The following TLE1 variants were observed in gnomAD, a reference collection of about 807,000 sequenced individuals.
TLE1 encodes transducin-like enhancer protein 1.
Under a neutral mutation model 89.8 loss-of-function variants are expected in TLE1, and 21 were observed. The ratio of observed to expected loss-of-function variants is 0.23; its 90% CI spans 0.17 to 0.34. The LOEUF (loss-of-function observed/expected upper bound fraction) is 0.34. Ranked by LOEUF, TLE1 falls within the 10% of genes least tolerant of loss-of-function variation. The pLI is 1.00. For synonymous variants in TLE1, 447 were observed against 407.6 expected (o/e 1.10, Z -1.16); for missense variants, 795 against 1,031.2 (o/e 0.77, Z 3.14).
Position 81,610,294 on chromosome 9 carries a change from C to T in TLE1, c.1257G>A (p.Val419=), listed in dbSNP as rs1297615896. The T allele has an allele frequency of 1.2e-6, 2 of 1,613,596 alleles. No individual in the cohort carries two copies. Among genetic ancestry groups the T allele is most frequent in the Non-Finnish European group, 8.5e-7 (1 of 1,179,818 alleles). Reference sequence around the variant, plus strand: ...TCATGTGAGGGGGAGGATCAAACCCCACCTGGAAACAAAAATAAGGCATTG... The same window carrying T: ...TCATGTGAGGGGGAGGATCAAACCCTACCTGGAAACAAAAATAAGGCATTG... ...AVVAYGRSPM[V]GFDPPPHMRV... is the part of the protein sequence containing the mutation. The change falls in exon 14 of 20, where the codon GTG becomes GTA. Residue 419 remains valine, a splice_region_variant and synonymous_variant. Transcript: ENST00000376499.
At chr9:81,620,900 T>A in intron 8 of TLE1, 2 of 571,424 alleles carry the variant, frequency 3.5e-6, no homozygotes, top group Non-Finnish European at 6.5e-6. Flanking sequence ...TGGTCAGGAA[T>A]ACGAATGGCC....
At chr9:81,605,630 A>G (rs1279643689) in intron 14 of TLE1, among the ~76,000 whole-genome samples, 1 of 152,192 alleles carries the variant, frequency 6.6e-6, no homozygotes, top group African/African-American at 2.4e-5. Flanking sequence ...AAGATGGATT[A>G]AAGATTTAAA....
intron 4 of TLE1, among the ~76,000 whole-genome samples, chr9:81,672,763 C>A (rs72747296): frequency 0.082 from 12,511 of 152,094 alleles, 714 homozygotes; most frequent in Non-Finnish European, 0.12. Context: ...ATGTTACATT[C>A]GAAAGAAAAA....
At chr9:81,651,601 C>T (rs1186518480) in intron 6 of TLE1, among the ~76,000 whole-genome samples, 1 of 151,860 alleles carries the variant, frequency 6.6e-6, no homozygotes, top group African/African-American at 2.4e-5. Context: ...GAACAAGAGC[C>T]AACAGTTCTA....
chr9:81,633,921 A>G (rs1284048918), intron 7 of TLE1, 176 bp downstream of exon 7: 1 of 657,712 alleles, frequency 1.5e-6, no homozygotes, highest in African/African-American at 1.8e-5. Flanking sequence ...TGCCCACAGC[A>G]AACCCTGCAA....
chr9:81,609,362 G>A (rs910160610), intron 14 of TLE1, among the ~76,000 whole-genome samples: 2 of 152,208 alleles, frequency 1.3e-5, no homozygotes, highest in African/African-American at 4.8e-5. Flanking sequence ...TAGGATTATA[G>A]GCGTGAGCCA....
chr9:81,620,412 A>T (rs1461629803), intron 9 of TLE1, 29 bp downstream of exon 9: 5 of 1,554,316 alleles, frequency 3.2e-6, no homozygotes, highest in Non-Finnish European at 4.4e-6. Context: ...AAGCAAACAA[A>T]TATTATTTCA....
At chr9:81,619,355 A>G (rs1824948659) in intron 9 of TLE1, among the ~76,000 whole-genome samples, 1 of 152,250 alleles carries the variant, frequency 6.6e-6, no homozygotes, top group Admixed American at 6.5e-5. Context: ...GGGTTTGCAC[A>G]TCTTAGCATT....
At chr9:81,688,116 G>C in intron 1 of TLE1, 101 bp downstream of exon 1, 1 of 1,472,020 alleles carries the variant, frequency 6.8e-7, no homozygotes, top group South Asian at 1.2e-5. Context: ...CTGAGGGCGA[G>C]AAGGTCCGCC....
At chr9:81,605,392 C>T (rs573301428) in intron 14 of TLE1, among the ~76,000 whole-genome samples, 2 of 152,204 alleles carry the variant, frequency 1.3e-5, no homozygotes, top group East Asian at 1.9e-4. Context: ...CTTTTCCCTC[C>T]TATTCATTTG....
Position 81,619,065 on chromosome 9 carries a change from C to A in TLE1, c.711+1376G>T, listed in dbSNP as rs1046366138. On this transcript the variant is annotated intron_variant, in intron 9 of 19. Coordinates refer to ENST00000376499, the MANE Select transcript of TLE1 (RefSeq NM_005077.5). ...ACTCATTACTAAATAACTTACTATA[C>A]ACAACAGCCTCATGAAGGGCAATTC... Among the ~76,000 whole-genome samples, 5 of 152,318 alleles carry A rather than the reference C, an allele frequency of 3.3e-5. No homozygotes were observed. In the East Asian group the frequency reaches 9.6e-4, roughly 29 times the overall value.
chr9:81,585,775 T>TC, intron 17 of TLE1, 120 bp from the exon 18 acceptor site: 1 of 1,277,352 alleles, frequency 7.8e-7, no homozygotes. Context: ...AAGTCCAGAC[T>TC]GTGGGGAGGT....
At chr9:81,635,912 C>A (rs1033642174) in intron 6 of TLE1, among the ~76,000 whole-genome samples, 1 of 152,154 alleles carries the variant, frequency 6.6e-6, no homozygotes, top group Admixed American at 6.5e-5. Flanking sequence ...ATAATCCCAA[C>A]ACTTTGGAGG....
At chr9:81,612,029 CTCA>C in intron 12 of TLE1, 70 bp from the exon 13 acceptor site, 5 of 1,242,080 alleles carry the variant, frequency 4.0e-6, no homozygotes, top group Non-Finnish European at 5.3e-6. Flanking sequence ...CAAGTCTGGC[CTCA>C]TCATTTGTTA....
intron 14 of TLE1, among the ~76,000 whole-genome samples, chr9:81,597,720 C>T (rs565303991): frequency 3.3e-5 from 5 of 152,264 alleles, no homozygotes; most frequent in South Asian, 2.1e-4. Context: ...AAAGCCCACT[C>T]GACTTCACAG....
chr9:81,585,251 C>A (rs113580039), intron 18 of TLE1, among the ~76,000 whole-genome samples: 18 of 152,268 alleles, frequency 1.2e-4, no homozygotes, highest in African/African-American at 4.3e-4. Context: ...TGTCGTCTCC[C>A]AACCCCTCCA....
chr9:81,587,342 T>G (rs559784692), intron 17 of TLE1, among the ~76,000 whole-genome samples: 1 of 152,310 alleles, frequency 6.6e-6, no homozygotes, highest in South Asian at 2.1e-4. Context: ...TACTCCTGCA[T>G]TAGATGGTGA....
chr9:81,597,079 C>T (rs1325235344), intron 14 of TLE1, among the ~76,000 whole-genome samples: 2 of 152,114 alleles, frequency 1.3e-5, no homozygotes, highest in African/African-American at 4.8e-5. Context: ...ACGTCAACTG[C>T]GGTCTTGCCA....
At chr9:81,606,232 A>C (rs1437892848) in intron 14 of TLE1, among the ~76,000 whole-genome samples, 1 of 152,244 alleles carries the variant, frequency 6.6e-6, no homozygotes, top group Non-Finnish European at 1.5e-5. Context: ...AAGGATCTAG[A>C]ACTAGAAATA....
Sources: allele counts gnomAD v4.1 joint callset (sites outside exome capture counted in the v4.1 genomes callset), GRCh38; gene constraint gnomAD v4.1.1; transcripts MANE v1.5; gene names NCBI Gene and HGNC (gene_info 2026-07-23, HGNC 2026-07-21).